Variants in CTNNA2 observed in about 807,000 individuals in gnomAD.
CTNNA2 encodes catenin alpha 2.
In CTNNA2, 42 loss-of-function variants were observed where a neutral mutation model predicts 101.0. That is an observed-to-expected ratio of 0.42 (90% CI 0.32 to 0.54). The LOEUF (loss-of-function observed/expected upper bound fraction) is 0.54. CTNNA2 is among the 20% of genes least tolerant of loss of function. The pLI, the probability that CTNNA2 is intolerant of heterozygous loss-of-function variation, is 0.14. For missense variants in CTNNA2, 871 were observed against 1,223.1 expected (o/e 0.71, Z 4.29); for synonymous variants, 450 against 456.4 (o/e 0.99, Z 0.18).
intron 2 of CTNNA2, among the ~76,000 whole-genome samples, chr2:79,662,792 C>A (rs896243453): frequency 1.3e-5 from 2 of 152,124 alleles, no homozygotes; most frequent in Non-Finnish European, 2.9e-5. Flanking sequence ...AAAAAACTAA[C>A]CAGTGATTTT....
At chr2:79,237,297 G>A (rs1233641083) in intron 2 of CTNNA2, among the ~76,000 whole-genome samples, 1 of 152,202 alleles carries the variant, frequency 6.6e-6, no homozygotes, top group East Asian at 1.9e-4. Flanking sequence ...TTTATTCTGA[G>A]TAGAAGGCCT....
intron 7 of CTNNA2, among the ~76,000 whole-genome samples, chr2:80,374,678 CGTGCGTGTGT>C (rs1396406385): frequency 9.1e-5 from 13 of 143,222 alleles, no homozygotes; most frequent in African/African-American, 3.5e-4. Flanking sequence ...TGCGTGCGTG[CGTGCGTGTGT>C]GTGTGTGTGT....
At chr2:79,241,941 A>G (rs1674631429) in intron 2 of CTNNA2, among the ~76,000 whole-genome samples, 1 of 151,198 alleles carries the variant, frequency 6.6e-6, no homozygotes. Flanking sequence ...AGTCTTGCTC[A>G]GTCACCCAGG....
chr2:79,945,684 A>C (rs1688444482), intron 7 of CTNNA2, among the ~76,000 whole-genome samples: 1 of 152,186 alleles, frequency 6.6e-6, no homozygotes, highest in South Asian at 2.1e-4. Context: ...CATATGTCAA[A>C]TATCATGCTT....
At chr2:79,374,962 G>C (rs1216495347) in intron 4 of CTNNA2, among the ~76,000 whole-genome samples, 1 of 152,158 alleles carries the variant, frequency 6.6e-6, no homozygotes, top group Admixed American at 6.6e-5. Context: ...TATTAACAGA[G>C]AGTGAGGGAT....
chr2:79,615,602 A>G (rs939646240), intron 1 of CTNNA2, among the ~76,000 whole-genome samples: 3 of 152,170 alleles, frequency 2.0e-5, no homozygotes, highest in Non-Finnish European at 4.4e-5. Flanking sequence ...GTCAATGAAA[A>G]CTACATCTTT....
At chr2:79,775,679 G>A (rs980431125) in intron 3 of CTNNA2, among the ~76,000 whole-genome samples, 2 of 152,026 alleles carry the variant, frequency 1.3e-5, no homozygotes, top group African/African-American at 2.4e-5. Flanking sequence ...GTGGAATATG[G>A]GAACATTAGG....
At chr2:79,847,486 T>A (rs990607390) in intron 3 of CTNNA2, among the ~76,000 whole-genome samples, 1 of 125,542 alleles carries the variant, frequency 8.0e-6, no homozygotes, top group Non-Finnish European at 1.6e-5. Context: ...AAGGTTGTAA[T>A]GAGCTGAGAT....
chr2:79,457,835 C>T (rs1670842333), intron 4 of CTNNA2, among the ~76,000 whole-genome samples: 1 of 152,176 alleles, frequency 6.6e-6, no homozygotes, highest in Non-Finnish European at 1.5e-5. Flanking sequence ...TCTACCTTCC[C>T]CTACCTCTCC....
intron 7 of CTNNA2, among the ~76,000 whole-genome samples, chr2:80,040,517 C>T (rs1436905812): frequency 6.6e-6 from 1 of 152,212 alleles, no homozygotes; most frequent in African/African-American, 2.4e-5. Flanking sequence ...TTCCTGTACA[C>T]TGCATTTTCA....
intron 7 of CTNNA2, among the ~76,000 whole-genome samples, chr2:80,297,378 T>G (rs1174613566): frequency 6.6e-6 from 1 of 152,212 alleles, no homozygotes; most frequent in Non-Finnish European, 1.5e-5. Context: ...AAGCCTCAGG[T>G]TCTTCATGTG....
chr2:79,592,161 C>T (rs1473768589), intron 1 of CTNNA2, among the ~76,000 whole-genome samples: 7 of 149,760 alleles, frequency 4.7e-5, no homozygotes, highest in African/African-American at 1.7e-4. Flanking sequence ...GCTCTTGTTG[C>T]CCAGGCTGGA....
chr2:79,189,817 G>C (rs1673828213), intron 1 of CTNNA2, among the ~76,000 whole-genome samples: 1 of 152,152 alleles, frequency 6.6e-6, no homozygotes, highest in Non-Finnish European at 1.5e-5. Flanking sequence ...AGGGTCCTGG[G>C]CTGTGAAACT....
At chr2:80,243,980 G>T (rs1301729708) in intron 7 of CTNNA2, among the ~76,000 whole-genome samples, 1 of 152,112 alleles carries the variant, frequency 6.6e-6, no homozygotes, top group African/African-American at 2.4e-5. Context: ...CAGCCTGCAG[G>T]GCCATCTGCA....
chr2:80,162,951 T>A (rs1441721465), intron 7 of CTNNA2: 9 of 1,537,338 alleles, frequency 5.9e-6, no homozygotes, highest in African/African-American at 4.1e-5. Flanking sequence ...ATATTGGGGA[T>A]ATGGCAAACT....
At chr2:80,372,183 G>T (rs2149334744) in intron 7 of CTNNA2, among the ~76,000 whole-genome samples, 1 of 152,190 alleles carries the variant, frequency 6.6e-6, no homozygotes, top group East Asian at 1.9e-4. Flanking sequence ...GTTGATATTT[G>T]AGGACTCTCA....
intron 7 of CTNNA2, among the ~76,000 whole-genome samples, chr2:80,138,783 C>T (rs1702836744): frequency 6.6e-6 from 1 of 152,114 alleles, no homozygotes; most frequent in Non-Finnish European, 1.5e-5. Context: ...TTTCATTTAG[C>T]ACAAAGCCTG....
chr2:79,845,918 C>A (rs1243868765), intron 3 of CTNNA2, among the ~76,000 whole-genome samples: 1 of 152,104 alleles, frequency 6.6e-6, no homozygotes, highest in Non-Finnish European at 1.5e-5. Flanking sequence ...GGGGACCTCC[C>A]ACAGTTTAGT....
intron 9 of CTNNA2, among the ~76,000 whole-genome samples, chr2:80,497,564 T>G (rs1559158344): frequency 6.6e-6 from 1 of 152,202 alleles, no homozygotes. Context: ...ACTTCTCAGA[T>G]AGCCCCCAAG....
Sources: allele counts gnomAD v4.1 joint callset (sites outside exome capture counted in the v4.1 genomes callset), GRCh38; gene constraint gnomAD v4.1.1; transcripts MANE v1.5; gene names NCBI Gene and HGNC (gene_info 2026-07-23, HGNC 2026-07-21).